The following TJP1 variants were observed in gnomAD, a reference collection of about 807,000 sequenced individuals.
TJP1 encodes the protein tight junction protein 1.
TJP1 carries 43 observed loss-of-function variants against 194.2 expected under a neutral mutation model. The observed-to-expected ratio is 0.22, with a 90% confidence interval of 0.17 to 0.29. The LOEUF is 0.29. TJP1 is among the 10% of genes least tolerant of loss of function. TJP1 has a pLI of 1.00. For synonymous variants in TJP1, 801 were observed against 779.0 expected (o/e 1.03, Z -0.47); for missense variants, 1,971 against 2,185.7 (o/e 0.90, Z 1.96).
rs2045971454 is a variant in TJP1 at position 29,761,094 on chromosome 15, A to G, written c.1010+45T>C. 3.9e-6 allele frequency: 6 copies of G among 1,525,054 alleles called. No homozygotes were observed. In the Admixed American group the frequency reaches 7.0e-5, roughly 18 times the overall value. 94.5% of individuals were successfully genotyped at this position (1,525,054 alleles called of 1,614,324 possible). A position where few individuals can be genotyped will look rare whatever the true frequency, so the allele number is the denominator to read the frequency against. On this transcript the variant is annotated intron_variant, in intron 8 of 27. Transcript: ENST00000614355. ...TAAGCAATTTCAGATACTGGTATCA[A>G]GCAAACAAAACCCCTGTATTTTTTA...
At chr15:29,775,505 G>C (rs1003829082) in intron 2 of TJP1, among the ~76,000 whole-genome samples, 1 of 152,100 alleles carries the variant, frequency 6.6e-6, no homozygotes, top group Non-Finnish European at 1.5e-5. Flanking sequence ...CATTAAACTT[G>C]TGAGTGGAAG....
intron 1 of TJP1, among the ~76,000 whole-genome samples, chr15:29,964,806 T>C (rs1316220267): frequency 1.3e-5 from 2 of 152,144 alleles, no homozygotes; most frequent in Non-Finnish European, 2.9e-5. Flanking sequence ...AAGTAATGAT[T>C]CAGAACCAAA....
intron 2 of TJP1, among the ~76,000 whole-genome samples, chr15:29,831,945 T>C (rs2050849635): frequency 6.6e-6 from 1 of 152,218 alleles, no homozygotes; most frequent in Non-Finnish European, 1.5e-5. Flanking sequence ...GGAGTATGTT[T>C]AAATGTTGGT....
At chr15:29,784,339 C>T (rs2047564040) in intron 2 of TJP1, among the ~76,000 whole-genome samples, 1 of 152,018 alleles carries the variant, frequency 6.6e-6, no homozygotes, top group African/African-American at 2.4e-5. Flanking sequence ...CGCTCTTCTC[C>T]TCCAGGCTGG....
In TJP1 at chr15:29,700,803, T is replaced by A. The variant is rs1356474900; in HGVS notation, c.*792A>T. The A allele has an allele frequency of 5.4e-6, 1 of 184,916 alleles. No individual in the cohort carries two copies. 11.5% of individuals were successfully genotyped at this position (184,916 alleles called of 1,614,324 possible). Reference sequence around the variant, plus strand: ...CTATTTTCTTCTGGGTGATAACACATTTCTGAAACCACCAAATGCACAACG... The same window carrying A: ...CTATTTTCTTCTGGGTGATAACACAATTCTGAAACCACCAAATGCACAACG... On this transcript the variant is annotated 3_prime_UTR_variant, in exon 28 of 28. Coordinates refer to ENST00000614355, the MANE Select transcript of TJP1 (RefSeq NM_001330239.4).
At chr15:29,917,760 A>C (rs1567194960) in intron 2 of TJP1, among the ~76,000 whole-genome samples, 1 of 152,326 alleles carries the variant, frequency 6.6e-6, no homozygotes, top group African/African-American at 2.4e-5. Context: ...TCTCCCAGGA[A>C]AAGAGCTGGC....
chr15:29,811,152 G>A (rs1188037836), intron 1 of TJP1, among the ~76,000 whole-genome samples: 3 of 152,040 alleles, frequency 2.0e-5, no homozygotes, highest in Admixed American at 6.6e-5. Context: ...AAAAAGATAC[G>A]ATGTGGCTAG....
At chr15:29,704,378 C>T (rs191200000) in intron 26 of TJP1, 73 bp from the exon 27 acceptor site, 1 of 1,505,786 alleles carries the variant, frequency 6.6e-7, no homozygotes, top group East Asian at 2.5e-5. Context: ...TTTCCTCACC[C>T]TGCTTCTAAT....
intron 2 of TJP1, among the ~76,000 whole-genome samples, chr15:29,786,739 T>C (rs900973913): frequency 5.9e-5 from 9 of 152,098 alleles, no homozygotes; most frequent in African/African-American, 2.2e-4. Context: ...TGGCCTAGAG[T>C]GATGCTCCTG....
chr15:29,942,360 G>A (rs934096936), intron 2 of TJP1, among the ~76,000 whole-genome samples: 5 of 152,154 alleles, frequency 3.3e-5, no homozygotes, highest in African/African-American at 9.7e-5. Context: ...GATGAAGGCC[G>A]GTACCACTCA....
chr15:29,808,870 G>GA (rs1319286258), intron 1 of TJP1, among the ~76,000 whole-genome samples: 1 of 151,980 alleles, frequency 6.6e-6, no homozygotes, highest in Non-Finnish European at 1.5e-5. Flanking sequence ...AAAAACAACA[G>GA]AAAAAACCCT....
intron 2 of TJP1, 145 bp from the exon 3 acceptor site, chr15:29,773,502 A>T: frequency 1.4e-6 from 1 of 735,374 alleles, no homozygotes; most frequent in Non-Finnish European, 2.2e-6. Context: ...ATGGTTACCT[A>T]TTAGAATTAT....
At chr15:29,942,659 A>T (rs1226974777) in intron 2 of TJP1, among the ~76,000 whole-genome samples, 1 of 152,176 alleles carries the variant, frequency 6.6e-6, no homozygotes, top group African/African-American at 2.4e-5. Context: ...TAACGGTGAT[A>T]ATTCTGGAAG....
At chr15:29,758,748 A>C (rs1393772996) in intron 8 of TJP1, among the ~76,000 whole-genome samples, 1 of 152,186 alleles carries the variant, frequency 6.6e-6, no homozygotes, top group East Asian at 1.9e-4. Flanking sequence ...ATAACAATCT[A>C]TGCTGTGCCA....
chr15:29,879,559 A>G (rs956151431), intron 2 of TJP1, among the ~76,000 whole-genome samples: 4 of 152,190 alleles, frequency 2.6e-5, no homozygotes, highest in African/African-American at 7.2e-5. Flanking sequence ...GTGGTTTTAA[A>G]GCTAAGTCTG....
intron 2 of TJP1, among the ~76,000 whole-genome samples, chr15:29,857,731 A>T (rs1596119746): frequency 6.6e-6 from 1 of 152,064 alleles, no homozygotes; most frequent in East Asian, 1.9e-4. Flanking sequence ...TACTTAAAAG[A>T]TGTTTAAATG....
At position 29,822,440 on chromosome 15, in the gene TJP1, T is replaced by C. The variant is rs2152022676; in HGVS notation, c.-412A>G. ...GCCAAGGAACGCGGCGTCCGCTGGC[T>C]CAGCCGGCGCCGGCAACTCAGCGGC... is the stretch of plus-strand genomic sequence containing the variant. On this transcript the variant is annotated 5_prime_UTR_variant, in exon 1 of 28. Coordinates refer to ENST00000614355, the MANE Select transcript of TJP1 (RefSeq NM_001330239.4). 1 of 986,770 alleles carries C rather than the reference T, an allele frequency of 1.0e-6. No homozygotes were observed. Among genetic ancestry groups the C allele is most frequent in the Non-Finnish European group, 1.2e-6 (1 of 831,130 alleles). 61.1% of individuals were successfully genotyped at this position (986,770 alleles called of 1,614,324 possible).
At chr15:29,946,720 A>G (rs1298778667) in intron 2 of TJP1, among the ~76,000 whole-genome samples, 2 of 152,182 alleles carry the variant, frequency 1.3e-5, no homozygotes, top group Non-Finnish European at 2.9e-5. Flanking sequence ...TCACTTAATC[A>G]TATCTATTCA....
Position 29,719,837 on chromosome 15 carries a change from T to G in TJP1, c.2943A>C (p.Ala981=). The G allele has an allele frequency of 6.2e-7, 1 of 1,614,210 alleles. No individual in the cohort carries two copies. Among genetic ancestry groups the G allele is most frequent in the East Asian group, 2.2e-5 (1 of 44,884 alleles). ...CTTGATCTCTTAGCATTATGTGAGC[T>G]GCCTCAGTACTTGGTGTTCTTAAAG... ...ADSLRTPSTE[A]AHIMLRDQEP... The change falls in exon 20 of 28, where the codon GCA becomes GCC. Residue 981 remains alanine, a synonymous_variant. Transcript: ENST00000614355.
Sources: allele counts gnomAD v4.1 joint callset (sites outside exome capture counted in the v4.1 genomes callset), GRCh38; gene constraint gnomAD v4.1.1; transcripts MANE v1.5; gene names NCBI Gene and HGNC (gene_info 2026-07-23, HGNC 2026-07-21).